SV2C: variants seen among roughly 807,000 people sequenced by gnomAD.
The protein encoded by SV2C is synaptic vesicle glycoprotein 2C.
Under a neutral mutation model 79.7 loss-of-function variants are expected in SV2C, and 49 were observed. That is an observed-to-expected ratio of 0.61 (90% CI 0.49 to 0.78). The LOEUF is 0.78. SV2C is among the 30% of genes least tolerant of loss of function. SV2C has a pLI of 0.00. For missense variants in SV2C, 833 were observed against 912.9 expected, an observed-to-expected ratio of 0.91 and a Z score of 1.13; for synonymous variants, 334 against 333.2, an observed-to-expected ratio of 1.00 and a Z score of -0.03.
chr5:76,179,766 A>G (rs375566790), intron 2 of SV2C, among the ~76,000 whole-genome samples: 1 of 152,218 alleles, frequency 6.6e-6, no homozygotes, highest in South Asian at 2.1e-4. Flanking sequence ...AGATCCCGCT[A>G]TTTATTCACT....
chr5:76,135,665 T>C (rs1749044185), intron 2 of SV2C, among the ~76,000 whole-genome samples: 1 of 152,202 alleles, frequency 6.6e-6, no homozygotes, highest in Non-Finnish European at 1.5e-5. Flanking sequence ...TAAGACTTCT[T>C]ATTGAATGAA....
chr5:76,287,963 T>G (rs1158686711), intron 6 of SV2C, among the ~76,000 whole-genome samples: 2 of 151,568 alleles, frequency 1.3e-5, no homozygotes, highest in East Asian at 2.0e-4. Context: ...CACCTGCCTG[T>G]AATCCCAGCT....
the SV2C span, among the ~76,000 whole-genome samples, chr5:76,037,065 G>T: frequency 6.6e-6 from 1 of 152,042 alleles, no homozygotes; most frequent in Middle Eastern, 3.2e-3. Context: ...CATTCTTCAT[G>T]TAGTTCTCGA....
At chr5:76,281,333 G>A (rs993876697) in intron 4 of SV2C, 2 of 349,646 alleles carry the variant, frequency 5.7e-6, no homozygotes, top group Non-Finnish European at 1.1e-5. Context: ...GTTAAGATCT[G>A]ATTTAAAATT....
intron 1 of SV2C, among the ~76,000 whole-genome samples, chr5:76,097,917 GT>G (rs1463006413): frequency 1.1e-4 from 17 of 152,128 alleles, no homozygotes; most frequent in African/African-American, 4.1e-4. Context: ...ACAGAGATGG[GT>G]GATCTGGAGA....
chr5:76,310,589 A>G (rs1411424712), intron 12 of SV2C, among the ~76,000 whole-genome samples: 1 of 152,208 alleles, frequency 6.6e-6, no homozygotes, highest in Non-Finnish European at 1.5e-5. Context: ...GATGAGTGAC[A>G]TGAACTGACT....
chr5:76,093,952 A>T (rs1747462277), intron 1 of SV2C, among the ~76,000 whole-genome samples: 1 of 152,152 alleles, frequency 6.6e-6, no homozygotes, highest in South Asian at 2.1e-4. Flanking sequence ...TGTCTATTCA[A>T]GAAATGTTTT....
the SV2C span, among the ~76,000 whole-genome samples, chr5:75,953,969 A>G: frequency 1.3e-5 from 2 of 151,946 alleles, no homozygotes; most frequent in Non-Finnish European, 2.9e-5. Flanking sequence ...ATTCAAACCA[A>G]GACAGTTGAT....
intron 1 of SV2C, among the ~76,000 whole-genome samples, chr5:76,117,791 C>T (rs73130257): frequency 0.046 from 7,055 of 151,884 alleles, 537 homozygotes; most frequent in African/African-American, 0.16. Context: ...TTAATTAGAA[C>T]GAATATAGAT....
chr5:75,853,954 T>C, the SV2C span, among the ~76,000 whole-genome samples: 1 of 148,688 alleles, frequency 6.7e-6, no homozygotes, highest in Non-Finnish European at 1.5e-5. Flanking sequence ...CAGATATATA[T>C]ATGTACTACC....
chr5:75,991,526 C>G, the SV2C span, among the ~76,000 whole-genome samples: 1 of 148,680 alleles, frequency 6.7e-6, no homozygotes, highest in Non-Finnish European at 1.5e-5. Flanking sequence ...CAAGGTTATG[C>G]AATTATATAC....
chr5:75,875,001 A>G, the SV2C span, among the ~76,000 whole-genome samples: 2 of 152,330 alleles, frequency 1.3e-5, no homozygotes, highest in South Asian at 4.1e-4. Flanking sequence ...TTACAGATTC[A>G]ATGCTATTCC....
At chr5:76,039,720 C>T in the SV2C span, among the ~76,000 whole-genome samples, 1 of 145,898 alleles carries the variant, frequency 6.9e-6, no homozygotes, top group African/African-American at 2.5e-5. Context: ...CATGCCATTG[C>T]ACTCCAGCCT....
chr5:76,043,190 A>G, the SV2C span, among the ~76,000 whole-genome samples: 1 of 152,190 alleles, frequency 6.6e-6, no homozygotes, highest in Non-Finnish European at 1.5e-5. Flanking sequence ...CAGCTGTGTT[A>G]GCCATCTGTG....
chr5:76,290,734 G>A lies in SV2C; in HGVS notation c.1138-487G>A, dbSNP rs557592587. On this transcript the variant is annotated intron_variant, in intron 6 of 12. Coordinates refer to ENST00000502798, the MANE Select transcript of SV2C (RefSeq NM_014979.4). Reference sequence around the variant, plus strand: ...CTAGCCACTGTGGGTTAGGCTGTGGGAGAAGGAAGAAAAGGACCGGAAGTG... The same window carrying A: ...CTAGCCACTGTGGGTTAGGCTGTGGAAGAAGGAAGAAAAGGACCGGAAGTG... 8.2e-4 allele frequency among the ~76,000 whole-genome samples: 125 copies of A among 152,336 alleles called. 1 individual carries two copies. Among genetic ancestry groups the A allele is most frequent in the Admixed American group, 1.4e-3 (22 of 15,302 alleles).
rs1257291001 is a variant in SV2C at position 76,312,877 on chromosome 5, T to C, written c.2000+11332T>C. Among the ~76,000 whole-genome samples the C allele has an allele frequency of 2.6e-5, 4 of 152,216 alleles. No homozygotes were observed. The East Asian group carries it at 7.7e-4, about 29-fold the overall frequency. On this transcript the variant is annotated intron_variant, in intron 12 of 12. Coordinates refer to ENST00000502798, the MANE Select transcript of SV2C (RefSeq NM_014979.4). ...CCATCACCCAGTGCAGTGGGATTGG[T>C]CTCTTCCTTGATGAGCTAAAATCAA...
At chr5:76,250,361 A>G (rs1171885052) in intron 4 of SV2C, among the ~76,000 whole-genome samples, 1 of 152,220 alleles carries the variant, frequency 6.6e-6, no homozygotes, top group Non-Finnish European at 1.5e-5. Context: ...GCTCTCAGCA[A>G]TGTCCTGACT....
At chr5:76,240,130 C>A (rs1268521185) in intron 4 of SV2C, among the ~76,000 whole-genome samples, 1 of 152,094 alleles carries the variant, frequency 6.6e-6, no homozygotes, top group East Asian at 1.9e-4. Context: ...GAATCTAATG[C>A]CTACTATTTG....
At chr5:76,115,882 C>T (rs1345925514) in intron 1 of SV2C, among the ~76,000 whole-genome samples, 1 of 152,232 alleles carries the variant, frequency 6.6e-6, no homozygotes, top group African/African-American at 2.4e-5. Flanking sequence ...TGGCTCTGCT[C>T]AGCCACTTGG....
Sources: gnomAD v4.1 joint callset for allele counts (sites outside exome capture counted in the v4.1 genomes callset) on GRCh38, gnomAD v4.1.1 for gene constraint, MANE v1.5 for transcripts, NCBI Gene and HGNC (gene_info 2026-07-23, HGNC 2026-07-21) for gene names.